Variants in SORCS2 observed in about 807,000 individuals in gnomAD.
SORCS2 encodes sortilin related VPS10 domain containing receptor 2, also known as VPS10 domain-containing receptor SorCS2.
In SORCS2, 100 loss-of-function variants were observed where a neutral mutation model predicts 141.6. That is an observed-to-expected ratio of 0.71 (90% CI 0.60 to 0.83). SORCS2 has a LOEUF of 0.83. Ranked by LOEUF, SORCS2 falls within the 40% of genes least tolerant of loss-of-function variation. The pLI is 0.00. For missense variants in SORCS2, 1,646 were observed against 1,560.2 expected, an observed-to-expected ratio of 1.05 and a Z score of -0.93; for synonymous variants, 789 against 676.9, an observed-to-expected ratio of 1.17 and a Z score of -2.57.
At chr4:7,676,524 T>G (rs562297283) in intron 9 of SORCS2, among the ~76,000 whole-genome samples, 9 of 152,218 alleles carry the variant, frequency 5.9e-5, no homozygotes, top group Admixed American at 2.0e-4. Flanking sequence ...AACATTTTAC[T>G]GACTTGGGTT....
At chr4:7,404,548 C>G (rs1205344230) in intron 2 of SORCS2, among the ~76,000 whole-genome samples, 1 of 152,126 alleles carries the variant, frequency 6.6e-6, no homozygotes, top group Admixed American at 6.5e-5. Flanking sequence ...ACCCTTCTGA[C>G]TGGTGTAAGA....
intron 1 of SORCS2, among the ~76,000 whole-genome samples, chr4:7,215,835 T>G (rs1218696634): frequency 6.6e-6 from 1 of 152,100 alleles, no homozygotes; most frequent in African/African-American, 2.4e-5. Flanking sequence ...AACCTTTGTA[T>G]CTAGCTCAGG....
At chr4:7,627,132 C>T (rs888603314) in intron 3 of SORCS2, among the ~76,000 whole-genome samples, 4 of 152,072 alleles carry the variant, frequency 2.6e-5, no homozygotes, top group African/African-American at 4.8e-5. Flanking sequence ...ACTACACGTG[C>T]GTGCCACCAA....
intron 1 of SORCS2, among the ~76,000 whole-genome samples, chr4:7,207,366 C>T (rs1727800802): frequency 1.3e-5 from 2 of 152,232 alleles, no homozygotes; most frequent in South Asian, 2.1e-4. Flanking sequence ...GGCCGGGAGC[C>T]GACGTGAGTC....
intron 2 of SORCS2, among the ~76,000 whole-genome samples, chr4:7,497,604 G>T (rs1343466090): frequency 1.3e-5 from 2 of 152,262 alleles, no homozygotes; most frequent in African/African-American, 2.4e-5. Flanking sequence ...TTGTAATTCT[G>T]GTCCCTGCTG....
At chr4:7,367,430 G>T (rs1364130888) in intron 1 of SORCS2, among the ~76,000 whole-genome samples, 2 of 152,232 alleles carry the variant, frequency 1.3e-5, no homozygotes, top group African/African-American at 4.8e-5. Context: ...TGAGTCTCCA[G>T]TTCCTCCTCT....
intron 2 of SORCS2, among the ~76,000 whole-genome samples, chr4:7,400,310 A>G (rs963913633): frequency 6.6e-6 from 1 of 152,144 alleles, no homozygotes; most frequent in Non-Finnish European, 1.5e-5. Context: ...TGTGGCACCA[A>G]CCCCAGGTAC....
At chr4:7,732,473 C>CCCGTG (rs1711779660) in intron 23 of SORCS2, among the ~76,000 whole-genome samples, 1 of 152,190 alleles carries the variant, frequency 6.6e-6, no homozygotes, top group South Asian at 2.1e-4. Flanking sequence ...GAGGAGGATG[C>CCCGTG]CCGTGGCCCA....
chr4:7,523,605 C>T (rs1319128923), intron 2 of SORCS2, among the ~76,000 whole-genome samples: 1 of 152,144 alleles, frequency 6.6e-6, no homozygotes, highest in African/African-American at 2.4e-5. Flanking sequence ...CCCTTCCCTC[C>T]CTCTGCTCAG....
At chr4:7,435,607 A>C (rs1038384709) in intron 2 of SORCS2, among the ~76,000 whole-genome samples, 2 of 152,230 alleles carry the variant, frequency 1.3e-5, no homozygotes, top group African/African-American at 4.8e-5. Flanking sequence ...TGTCAATCAA[A>C]GGCTGAGTGT....
intron 12 of SORCS2, among the ~76,000 whole-genome samples, chr4:7,699,472 G>A (rs750541231): frequency 2.6e-5 from 4 of 152,126 alleles, no homozygotes; most frequent in South Asian, 2.1e-4. Flanking sequence ...GGTGTGCACC[G>A]GCTCAGGGGG....
At chr4:7,482,616 C>T (rs1373138626) in intron 2 of SORCS2, among the ~76,000 whole-genome samples, 1 of 92,246 alleles carries the variant, frequency 1.1e-5, no homozygotes, top group Admixed American at 9.8e-5. Context: ...CCTGTATCCC[C>T]ACTGCGGACA....
At chr4:7,399,693 G>T (rs1724449255) in intron 2 of SORCS2, among the ~76,000 whole-genome samples, 2 of 152,192 alleles carry the variant, frequency 1.3e-5, no homozygotes, top group Non-Finnish European at 2.9e-5. Flanking sequence ...CCTCCACGTG[G>T]TCTTGCCCTC....
At chr4:7,637,412 C>T (rs1474713158) in intron 3 of SORCS2, among the ~76,000 whole-genome samples, 2 of 152,214 alleles carry the variant, frequency 1.3e-5, no homozygotes, top group African/African-American at 4.8e-5. Flanking sequence ...CGTCCCTGGT[C>T]CTGCTTTGGA....
rs780259086 is a variant in SORCS2 at position 7,568,821 on chromosome 4, G to A, written c.648+37192G>A. On this transcript the variant is annotated intron_variant, in intron 3 of 26. Transcript: ENST00000507866. ...TTACAAGGTAGTGGGAAGGAATTCC[G>A]TGGAAAGTGACTGATCTAGTTCATC... 1.1e-4 allele frequency among the ~76,000 whole-genome samples: 16 copies of A among 152,324 alleles called. 1 individual carries two copies. Among genetic ancestry groups the A allele is most frequent in the Admixed American group, 5.9e-4 (9 of 15,306 alleles).
At chr4:7,724,153 G>C (rs1301362220) in intron 19 of SORCS2, among the ~76,000 whole-genome samples, 10 of 144,834 alleles carry the variant, frequency 6.9e-5, no homozygotes, top group African/African-American at 2.4e-4. Context: ...TGGTCGTGGT[G>C]GTGGTGGTGA....
chr4:7,278,597 T>C (rs6814708), intron 1 of SORCS2, among the ~76,000 whole-genome samples: 54,835 of 152,024 alleles, frequency 0.36, 10,423 homozygotes, highest in African/African-American at 0.41. Context: ...ATCTGTTTCA[T>C]AGACCCAGGG....
At chr4:7,358,459 G>T (rs957503539) in intron 1 of SORCS2, among the ~76,000 whole-genome samples, 4 of 152,268 alleles carry the variant, frequency 2.6e-5, no homozygotes, top group African/African-American at 7.2e-5. Context: ...TTTCACAGAA[G>T]AAGAGATTGG....
At chr4:7,235,253 C>T (rs1712185283) in intron 1 of SORCS2, among the ~76,000 whole-genome samples, 1 of 152,256 alleles carries the variant, frequency 6.6e-6, no homozygotes, top group Admixed American at 6.5e-5. Flanking sequence ...CCCCACCCTT[C>T]TGCTGCCCGC....
Sources: allele counts gnomAD v4.1 joint callset (sites outside exome capture counted in the v4.1 genomes callset), GRCh38; gene constraint gnomAD v4.1.1; transcripts MANE v1.5; gene names NCBI Gene and HGNC (gene_info 2026-07-23, HGNC 2026-07-21).